Variants in USH2A observed in about 807,000 individuals in gnomAD.
USH2A encodes Usher syndrome 2A (autosomal recessive, mild).
In USH2A, 443 loss-of-function variants were observed where a neutral mutation model predicts 538.9. That is an observed-to-expected ratio of 0.82 (90% CI 0.76 to 0.89). The LOEUF is 0.89. USH2A is among the 40% of genes least tolerant of loss of function. USH2A has a pLI of 0.00. For synonymous variants in USH2A, 2,413 were observed against 2,273.5 expected (o/e 1.06, Z -1.75); for missense variants, 6,633 against 6,324.8 (o/e 1.05, Z -1.65).
intron 49 of USH2A, among the ~76,000 whole-genome samples, chr1:215,803,023 G>A (rs1662384956): frequency 6.6e-6 from 1 of 152,010 alleles, no homozygotes; most frequent in African/African-American, 2.4e-5. Flanking sequence ...CAGAACCAGC[G>A]ACAAAAACCA....
chr1:216,297,409 A>C (rs1432022893), intron 9 of USH2A, among the ~76,000 whole-genome samples: 2 of 152,152 alleles, frequency 1.3e-5, no homozygotes, highest in African/African-American at 4.8e-5. Context: ...CTTCAAAATG[A>C]AGATAACTTA....
intron 64 of USH2A, among the ~76,000 whole-genome samples, chr1:215,668,220 C>G (rs553854697): frequency 1.3e-5 from 2 of 152,264 alleles, no homozygotes; most frequent in East Asian, 3.9e-4. Flanking sequence ...GAGAGCAATG[C>G]AAATTCATCA....
At chr1:215,639,027 C>A in intron 69 of USH2A, 128 bp downstream of exon 69, 6 of 890,994 alleles carry the variant, frequency 6.7e-6, no homozygotes, top group East Asian at 5.1e-5. Flanking sequence ...TCTGACAACA[C>A]TTGGCACAAT....
At chr1:215,862,332 C>T (rs922709151) in intron 44 of USH2A, among the ~76,000 whole-genome samples, 2 of 151,946 alleles carry the variant, frequency 1.3e-5, no homozygotes, top group African/African-American at 4.8e-5. Flanking sequence ...CCAAACACCG[C>T]ATGTTCTCAC....
At chr1:215,659,217 C>CAAAAATGGTTGGCTTATCCAGG (rs1657364503) in intron 64 of USH2A, among the ~76,000 whole-genome samples, 1 of 152,150 alleles carries the variant, frequency 6.6e-6, no homozygotes, top group Non-Finnish European at 1.5e-5. Context: ...GTTCTCTCAA[C>CAAAAATGGTTGGCTTATCCAGG]AGATGACCAT....
At chr1:215,789,773 C>A (rs866073489) in intron 51 of USH2A, among the ~76,000 whole-genome samples, 1 of 152,132 alleles carries the variant, frequency 6.6e-6, no homozygotes, top group Non-Finnish European at 1.5e-5. Context: ...AGGCCCCAGA[C>A]GACCTGTGCT....
At chr1:215,770,942 T>TAAAA (rs59409812) in intron 55 of USH2A, among the ~76,000 whole-genome samples, 2 of 65,864 alleles carry the variant, frequency 3.0e-5, no homozygotes, top group Non-Finnish European at 5.8e-5. Context: ...CCGTCTCTAC[T>TAAAA]AAAAAAAAAA....
At chr1:216,206,370 G>A (rs1056305831) in intron 16 of USH2A, among the ~76,000 whole-genome samples, 10 of 152,142 alleles carry the variant, frequency 6.6e-5, no homozygotes, top group African/African-American at 1.2e-4. Flanking sequence ...GGAAGGTGAG[G>A]AGGGATGGTT....
intron 32 of USH2A, among the ~76,000 whole-genome samples, chr1:216,042,993 C>A (rs73094519): frequency 0.011 from 1,636 of 152,180 alleles, 35 homozygotes; most frequent in African/African-American, 0.038. Context: ...TGGTCTCGGA[C>A]TTTCAGCCTC....
chr1:215,890,922 A>G (rs1665192747), intron 40 of USH2A, among the ~76,000 whole-genome samples: 1 of 152,148 alleles, frequency 6.6e-6, no homozygotes, highest in Non-Finnish European at 1.5e-5. Context: ...CTCTTCCCCA[A>G]AGAGAGTAAT....
At chr1:216,269,017 T>C (rs2036527207) in intron 11 of USH2A, among the ~76,000 whole-genome samples, 1 of 152,128 alleles carries the variant, frequency 6.6e-6, no homozygotes, top group African/African-American at 2.4e-5. Context: ...CAATGTAAGC[T>C]CCATAGTGGC....
chr1:216,095,769 T>C (rs151122430), intron 22 of USH2A, among the ~76,000 whole-genome samples: 375 of 152,286 alleles, frequency 2.5e-3, no homozygotes, highest in African/African-American at 8.6e-3. Context: ...GGTCCTCAGA[T>C]ACACTTGGTA....
chr1:216,159,496 G>A (rs1027104440), intron 21 of USH2A, among the ~76,000 whole-genome samples: 2 of 149,144 alleles, frequency 1.3e-5, no homozygotes, highest in African/African-American at 5.0e-5. Flanking sequence ...CACACTACTG[G>A]AATAAAACCT....
At chr1:216,266,340 A>T (rs1369118403) in intron 11 of USH2A, among the ~76,000 whole-genome samples, 1 of 152,302 alleles carries the variant, frequency 6.6e-6, no homozygotes, top group Admixed American at 6.5e-5. Flanking sequence ...AAAATAAGTC[A>T]CATAGAAAAT....
intron 16 of USH2A, among the ~76,000 whole-genome samples, chr1:216,202,428 G>A (rs1228032163): frequency 6.6e-6 from 1 of 152,206 alleles, no homozygotes; most frequent in African/African-American, 2.4e-5. Flanking sequence ...AGATATAAAA[G>A]CATTTGAAAG....
chr1:216,190,415 T>A (rs1268033615), intron 19 of USH2A, 48 bp from the exon 20 acceptor site: 2 of 1,594,422 alleles, frequency 1.3e-6, no homozygotes, highest in Non-Finnish European at 1.7e-6. Context: ...TAATAGGTAA[T>A]CAGTGTGAAA....
intron 38 of USH2A, chr1:215,901,126 C>G: frequency 1.7e-6 from 1 of 585,514 alleles, no homozygotes. Flanking sequence ...AAGCCGGCCC[C>G]CAAACAGCAA....
intron 41 of USH2A, among the ~76,000 whole-genome samples, chr1:215,879,727 CAT>C: frequency 6.6e-6 from 1 of 152,310 alleles, no homozygotes; most frequent in South Asian, 2.1e-4. Flanking sequence ...GCTTAGCTAA[CAT>C]GTGGACTTGA....
At chr1:215,749,609 T>G (rs1399792365) in intron 58 of USH2A, among the ~76,000 whole-genome samples, 1 of 152,194 alleles carries the variant, frequency 6.6e-6, no homozygotes, top group Non-Finnish European at 1.5e-5. Context: ...GGTATTCTGA[T>G]GACTAAATGA....
Sources: allele counts gnomAD v4.1 joint callset (sites outside exome capture counted in the v4.1 genomes callset), GRCh38; gene constraint gnomAD v4.1.1; transcripts MANE v1.5; gene names NCBI Gene and HGNC (gene_info 2026-07-23, HGNC 2026-07-21).